The following TMC1 variants were observed in gnomAD, a reference collection of about 807,000 sequenced individuals.
The protein encoded by TMC1 is transmembrane channel-like protein 1.
A neutral mutation model predicts 105.8 loss-of-function variants in TMC1; 84 were observed. The observed-to-expected ratio is 0.79, with a 90% CI of 0.67 to 0.95. The LOEUF (loss-of-function observed/expected upper bound fraction) is 0.95. Among genes scored for constraint, TMC1 ranks in the 40% least tolerant of loss-of-function variants. The pLI is 0.00. For synonymous variants in TMC1, 315 were observed against 311.5 expected (o/e 1.01, Z -0.12); for missense variants, 817 against 914.1 (o/e 0.89, Z 1.37).
intron 8 of TMC1, among the ~76,000 whole-genome samples, chr9:72,737,667 A>G (rs1365233096): frequency 1.3e-5 from 2 of 152,166 alleles, no homozygotes; most frequent in Non-Finnish European, 2.9e-5. Context: ...TCAGTTCACC[A>G]TTTTAGAAAG....
chr9:72,524,000 A>T (rs1445047254), intron 1 of TMC1, among the ~76,000 whole-genome samples: 2 of 152,164 alleles, frequency 1.3e-5, no homozygotes, highest in Non-Finnish European at 2.9e-5. Context: ...TCAGTCTTCT[A>T]TTACCCTTTG....
intron 4 of TMC1, among the ~76,000 whole-genome samples, chr9:72,644,588 A>G (rs747084089): frequency 2.0e-5 from 3 of 152,042 alleles, no homozygotes; most frequent in Non-Finnish European, 4.4e-5. Flanking sequence ...CTATTTCTGA[A>G]TTCTCTTTTC....
intron 8 of TMC1, among the ~76,000 whole-genome samples, chr9:72,734,265 G>A (rs1317414196): frequency 3.3e-5 from 5 of 152,152 alleles, no homozygotes; most frequent in Non-Finnish European, 7.4e-5. Context: ...TGCAGATAAG[G>A]GGGAACTACT....
intron 1 of TMC1, among the ~76,000 whole-genome samples, chr9:72,561,025 G>A (rs1437443732): frequency 6.6e-6 from 1 of 151,952 alleles, no homozygotes; most frequent in Non-Finnish European, 1.5e-5. Context: ...CAATTAAAGA[G>A]AGAAAAGGCC....
chr9:72,786,211 C>T lies in TMC1; in HGVS notation c.885-2128C>T, dbSNP rs148462306. 8.8e-3 allele frequency among the ~76,000 whole-genome samples: 1,343 copies of T among 152,192 alleles called. 18 individuals carry two copies. Among genetic ancestry groups the T allele is most frequent in the African/African-American group, 0.031 (1,278 of 41,516 alleles). On this transcript the variant is annotated intron_variant, in intron 13 of 23. Coordinates refer to ENST00000297784, the MANE Select transcript of TMC1 (RefSeq NM_138691.3). ...CTGTAATCCTAGCACTTTGGGAGGC[C>T]GAGGTGGGTGGATCACGAGGCAGAA...
chr9:72,728,931 T>C (rs750630387), intron 8 of TMC1, among the ~76,000 whole-genome samples: 5 of 152,060 alleles, frequency 3.3e-5, no homozygotes, highest in Non-Finnish European at 7.4e-5. Flanking sequence ...ATTTTTACCT[T>C]GTTTCATCTA....
At chr9:72,599,113 C>T (rs1378241572) in intron 2 of TMC1, among the ~76,000 whole-genome samples, 1 of 152,138 alleles carries the variant, frequency 6.6e-6, no homozygotes, top group Non-Finnish European at 1.5e-5. Flanking sequence ...TCACTGCAAC[C>T]TCCGCCTCCT....
chr9:72,821,195 G>C, intron 20 of TMC1, 114 bp downstream of exon 20: 1 of 1,530,166 alleles, frequency 6.5e-7, no homozygotes, highest in Non-Finnish European at 9.0e-7. Context: ...ATTTTTGGTT[G>C]GTGGAAATGA....
At chr9:72,833,789 A>C (rs1382865467) in intron 23 of TMC1, among the ~76,000 whole-genome samples, 1 of 152,190 alleles carries the variant, frequency 6.6e-6, no homozygotes, top group Non-Finnish European at 1.5e-5. Context: ...ATTGCTCTTG[A>C]GTAGTTTAAA....
At chr9:72,532,969 G>C (rs1242818271) in intron 1 of TMC1, among the ~76,000 whole-genome samples, 1 of 152,198 alleles carries the variant, frequency 6.6e-6, no homozygotes, top group Non-Finnish European at 1.5e-5. Context: ...AGAGGATCCT[G>C]TTTCAGTGAC....
intron 18 of TMC1, among the ~76,000 whole-genome samples, chr9:72,806,870 A>G (rs1451964447): frequency 6.6e-6 from 1 of 151,968 alleles, no homozygotes; most frequent in African/African-American, 2.4e-5. Context: ...GTGGCAGCCG[A>G]GCAGAGGCTG....
At chr9:72,768,207 GC>G (rs1827869079) in intron 12 of TMC1, among the ~76,000 whole-genome samples, 1 of 151,876 alleles carries the variant, frequency 6.6e-6, no homozygotes. Flanking sequence ...ATCATTCTCA[GC>G]AAACTAACAC....
intron 1 of TMC1, 89 bp downstream of exon 1, chr9:72,522,002 A>G (rs1823320272): frequency 6.6e-6 from 1 of 152,234 alleles, no homozygotes; most frequent in African/African-American, 2.4e-5. Flanking sequence ...GACTTTCTCC[A>G]TGAGATATTC....
At chr9:72,524,544 G>A (rs2132052538) in intron 1 of TMC1, among the ~76,000 whole-genome samples, 1 of 152,272 alleles carries the variant, frequency 6.6e-6, no homozygotes, top group East Asian at 1.9e-4. Context: ...ACAACCCAAT[G>A]AGGTAAGCGA....
intron 4 of TMC1, among the ~76,000 whole-genome samples, chr9:72,646,609 C>T (rs1040527882): frequency 7.3e-5 from 11 of 151,524 alleles, no homozygotes; most frequent in Middle Eastern, 3.4e-3. Context: ...GGGTTATGGG[C>T]CATTTTATTT....
chr9:72,771,745 A>G (rs566552824), intron 12 of TMC1, among the ~76,000 whole-genome samples: 3 of 152,340 alleles, frequency 2.0e-5, no homozygotes, highest in South Asian at 2.1e-4. Context: ...GAATATGCCA[A>G]TGTTCTGAGA....
intron 1 of TMC1, among the ~76,000 whole-genome samples, chr9:72,554,374 T>C (rs1823898466): frequency 6.6e-6 from 1 of 152,218 alleles, no homozygotes; most frequent in Non-Finnish European, 1.5e-5. Context: ...GGTTTTAAAA[T>C]GTTGACCATG....
intron 5 of TMC1, among the ~76,000 whole-genome samples, chr9:72,680,026 CA>C (rs909120471): frequency 1.3e-5 from 2 of 152,046 alleles, no homozygotes; most frequent in African/African-American, 4.8e-5. Flanking sequence ...ATATTTCTAG[CA>C]AATCCACACA....
At chr9:72,533,615 T>C (rs999050654) in intron 1 of TMC1, among the ~76,000 whole-genome samples, 1 of 152,298 alleles carries the variant, frequency 6.6e-6, no homozygotes, top group South Asian at 2.1e-4. Flanking sequence ...TGGAAACTTA[T>C]TTGAGATAGC....
Sources: allele counts gnomAD v4.1 joint callset (sites outside exome capture counted in the v4.1 genomes callset), GRCh38; gene constraint gnomAD v4.1.1; transcripts MANE v1.5; gene names NCBI Gene and HGNC (gene_info 2026-07-23, HGNC 2026-07-21).